The following NBEA variants were observed in gnomAD, a reference collection of about 807,000 sequenced individuals.
The protein encoded by NBEA is neurobeachin, also known as lysosomal-trafficking regulator 2.
NBEA carries 44 observed loss-of-function variants against 343.4 expected under a neutral mutation model. The ratio of observed to expected loss-of-function variants is 0.13; its 90% CI spans 0.10 to 0.16. NBEA has a LOEUF of 0.16. Ranked by LOEUF, NBEA falls within the 10% of genes least tolerant of loss-of-function variation. NBEA has a pLI of 1.00. For missense variants in NBEA, 2,555 were observed against 3,631.3 expected, an observed-to-expected ratio of 0.70 and a Z score of 7.62; for synonymous variants, 1,175 against 1,238.7, an observed-to-expected ratio of 0.95 and a Z score of 1.08.
In NBEA at chr13:34,967,995, A is replaced by G. The variant is rs577673634; in HGVS notation, c.294+24881A>G. On this transcript the variant is annotated intron_variant, in intron 1 of 58. Transcript: ENST00000379939. Reference sequence around the variant, plus strand: ...AAATAGGCTACCTGCACTTCTGCTCAACTGACCACAAATTCAGAGGTTCCC... The same window carrying G: ...AAATAGGCTACCTGCACTTCTGCTCGACTGACCACAAATTCAGAGGTTCCC... Among the ~76,000 whole-genome samples, 6 of 152,234 alleles carry G rather than the reference A, an allele frequency of 3.9e-5. No homozygotes were observed. The East Asian group carries it at 1.2e-3, about 29-fold the overall frequency.
At chr13:35,140,192 T>A (rs1208626235) in intron 17 of NBEA, among the ~76,000 whole-genome samples, 1 of 151,558 alleles carries the variant, frequency 6.6e-6, no homozygotes, top group Non-Finnish European at 1.5e-5. Flanking sequence ...TTTTTTTTTT[T>A]AAGTAGAGAT....
At chr13:35,284,632 G>A (rs569218427) in intron 34 of NBEA, among the ~76,000 whole-genome samples, 13 of 152,048 alleles carry the variant, frequency 8.5e-5, no homozygotes, top group African/African-American at 2.9e-4. Context: ...AGCCATTATT[G>A]TTATTTCAAA....
chr13:35,480,166 C>A (rs1242746085), intron 41 of NBEA, among the ~76,000 whole-genome samples: 2 of 151,638 alleles, frequency 1.3e-5, no homozygotes, highest in African/African-American at 4.8e-5. Flanking sequence ...CACTTCGAAG[C>A]GTTCGAAATA....
intron 35 of NBEA, among the ~76,000 whole-genome samples, chr13:35,298,461 A>T (rs1456402492): frequency 9.9e-5 from 15 of 151,642 alleles, no homozygotes; most frequent in Non-Finnish European, 1.8e-4. Context: ...ATTTGTGAAT[A>T]AAATATGAAA....
chr13:35,161,913 G>A lies in NBEA; in HGVS notation c.4025G>A (p.Arg1342Gln), dbSNP rs1056788853. Residue 1342 changes from arginine to glutamine, a missense_variant, in exon 23 of 59, where the codon CGG becomes CAG. This residue lies in a region of NBEA where 69 missense variants were observed against 128.8 expected (regional missense o/e 0.54). Transcript: ENST00000379939. ...PEFKWSPMHQ[R>Q]LLTDLLFALE... ...TTTAAATGGTCTCCAATGCACCAGCGGCTTCTCACTGATTTACTATTTGCA... is the reference window on the plus strand; with the variant it reads ...TTTAAATGGTCTCCAATGCACCAGCAGCTTCTCACTGATTTACTATTTGCA... The A allele has an allele frequency of 1.9e-6, 3 of 1,566,536 alleles. No individual in the cohort carries two copies. Among genetic ancestry groups the A allele is most frequent in the Non-Finnish European group, 2.6e-6 (3 of 1,155,324 alleles).
intron 45 of NBEA, among the ~76,000 whole-genome samples, chr13:35,570,477 G>A (rs769458742): frequency 5.3e-5 from 8 of 152,168 alleles, no homozygotes; most frequent in Non-Finnish European, 1.0e-4. Flanking sequence ...AATAAATTAG[G>A]CAATGTGACT....
chr13:34,961,641 A>C (rs1391902559), intron 1 of NBEA, among the ~76,000 whole-genome samples: 1 of 152,102 alleles, frequency 6.6e-6, no homozygotes, highest in Non-Finnish European at 1.5e-5. Flanking sequence ...TGATCAAGAT[A>C]AGGTCTCTGC....
At chr13:35,658,737 T>C (rs921434703) in intron 55 of NBEA, among the ~76,000 whole-genome samples, 24 of 152,354 alleles carry the variant, frequency 1.6e-4, no homozygotes, top group Middle Eastern at 3.4e-3. Flanking sequence ...TTTAGCTTTT[T>C]TCCATAAGGA....
At chr13:35,651,927 T>C in intron 53 of NBEA, 51 bp downstream of exon 53, 1 of 985,524 alleles carries the variant, frequency 1.0e-6, no homozygotes. Flanking sequence ...CATATATTCA[T>C]ATATAGTTAT....
intron 33 of NBEA, among the ~76,000 whole-genome samples, chr13:35,221,489 T>G (rs575691611): frequency 6.6e-6 from 1 of 152,314 alleles, no homozygotes; most frequent in East Asian, 1.9e-4. Flanking sequence ...CTTGTGTTAC[T>G]TTTGGTATTC....
At chr13:35,609,368 T>C (rs1025367508) in intron 48 of NBEA, among the ~76,000 whole-genome samples, 2 of 152,228 alleles carry the variant, frequency 1.3e-5, no homozygotes, top group African/African-American at 2.4e-5. Context: ...AGTGTACAGA[T>C]AACTTTAGGA....
At chr13:35,523,870 CT>C (rs2077839616) in intron 41 of NBEA, among the ~76,000 whole-genome samples, 1 of 152,048 alleles carries the variant, frequency 6.6e-6, no homozygotes, top group East Asian at 1.9e-4. Context: ...ATATTTCCCT[CT>C]GCTTTTTTCC....
chr13:35,023,041 G>A (rs966818585), intron 1 of NBEA, among the ~76,000 whole-genome samples: 1 of 152,000 alleles, frequency 6.6e-6, no homozygotes, highest in African/African-American at 2.4e-5. Context: ...GTGAAAGATA[G>A]CAGTATACTA....
chr13:35,202,241 G>A (rs1269574994), intron 31 of NBEA, among the ~76,000 whole-genome samples: 1 of 152,016 alleles, frequency 6.6e-6, no homozygotes, highest in East Asian at 1.9e-4. Flanking sequence ...AAGGTCCTGG[G>A]CATAACTCTG....
At chr13:34,990,087 C>T (rs2060697329) in intron 1 of NBEA, among the ~76,000 whole-genome samples, 1 of 151,152 alleles carries the variant, frequency 6.6e-6, no homozygotes, top group Admixed American at 6.6e-5. Context: ...ATGGTATAGC[C>T]TCCTTGGCTG....
intron 58 of NBEA, among the ~76,000 whole-genome samples, chr13:35,668,779 A>T (rs2085472562): frequency 6.6e-6 from 1 of 152,162 alleles, no homozygotes; most frequent in African/African-American, 2.4e-5. Flanking sequence ...CAAGACATAG[A>T]ACTTACTCCC....
In NBEA at chr13:35,183,957, T is replaced by G; in HGVS notation, c.4832-19T>G. ...TGTTACATGCTGGCTCAAATTTGATTCCATGATTTTCTCCACAGTTGTGGT... is the reference window on the plus strand; with the variant it reads ...TGTTACATGCTGGCTCAAATTTGATGCCATGATTTTCTCCACAGTTGTGGT... On this transcript the variant is annotated intron_variant, in intron 29 of 58. Transcript: ENST00000379939. 1.9e-6 allele frequency: 3 copies of G among 1,587,548 alleles called. No individual in the cohort carries two copies. In the African/African-American group the frequency reaches 4.0e-5, roughly 21 times the overall value.
intron 36 of NBEA, among the ~76,000 whole-genome samples, chr13:35,329,187 A>G (rs962092324): frequency 2.0e-5 from 3 of 151,968 alleles, no homozygotes; most frequent in African/African-American, 7.2e-5. Context: ...TAGATTGTCA[A>G]CACCAAGCAT....
intron 40 of NBEA, among the ~76,000 whole-genome samples, chr13:35,453,068 A>C (rs936109083): frequency 6.6e-5 from 10 of 152,172 alleles, no homozygotes; most frequent in Non-Finnish European, 1.0e-4. Context: ...GGCAATAGAG[A>C]GGTGGACTTA....
Sources: gnomAD v4.1 joint callset for allele counts (sites outside exome capture counted in the v4.1 genomes callset) on GRCh38, gnomAD v4.1.1 for gene constraint, gnomAD v4.1.1 regional missense constraint, MANE v1.5 for transcripts, NCBI Gene and HGNC (gene_info 2026-07-23, HGNC 2026-07-21) for gene names.